TRIM67: variants seen among roughly 807,000 people sequenced by gnomAD.
TRIM67 encodes tripartite motif-containing protein 67.
Under a neutral mutation model 71.0 loss-of-function variants are expected in TRIM67, and 39 were observed. That is an observed-to-expected ratio of 0.55 (90% CI 0.43 to 0.72). TRIM67 has a LOEUF of 0.72. TRIM67 is among the 30% of genes least tolerant of loss of function. TRIM67 has a pLI of 0.00. For synonymous variants in TRIM67, 481 were observed against 473.9 expected, an observed-to-expected ratio of 1.01 and a Z score of -0.19; for missense variants, 973 against 1,079.2, an observed-to-expected ratio of 0.90 and a Z score of 1.38.
chr1:231,183,955 T>C (rs1389468280), intron 1 of TRIM67: 2 of 152,164 alleles, frequency 1.3e-5, no homozygotes, highest in African/African-American at 4.8e-5. Context: ...AGGAATGCTC[T>C]GATAGCAGGG....
chr1:231,208,014 T>TA (rs1298180433), intron 7 of TRIM67, among the ~76,000 whole-genome samples: 1 of 149,872 alleles, frequency 6.7e-6, no homozygotes. Flanking sequence ...CTGTACTTTT[T>TA]TTTTTTTTTT....
chr1:231,208,331 G>A lies in TRIM67; in HGVS notation c.1820-616G>A, dbSNP rs1018557945. Among the ~76,000 whole-genome samples the A allele has an allele frequency of 4.6e-5, 7 of 152,068 alleles. No individual in the cohort carries two copies. In the East Asian group the frequency reaches 5.8e-4, roughly 13 times the overall value. On this transcript the variant is annotated intron_variant, in intron 7 of 9. Transcript: ENST00000366653. ...TGGGACTACAGGCACCTGCCACCAC[G>A]CCCGGCTAATTTTTTTGTATTTTTA...
At chr1:231,198,788 A>G (rs1192722477) in intron 2 of TRIM67, among the ~76,000 whole-genome samples, 2 of 152,196 alleles carry the variant, frequency 1.3e-5, no homozygotes, top group Non-Finnish European at 1.5e-5. Flanking sequence ...ACAGTCTCTC[A>G]TGAGCATTTT....
chr1:231,208,228 T>C (rs147935109), intron 7 of TRIM67, among the ~76,000 whole-genome samples: 21 of 151,030 alleles, frequency 1.4e-4, no homozygotes, highest in African/African-American at 4.6e-4. Context: ...AGCTGGAGTG[T>C]AGTGGCGTGA....
At chr1:231,201,228 A>G (rs557873866) in intron 4 of TRIM67, 130 bp from the exon 5 acceptor site, 27 of 922,458 alleles carry the variant, frequency 2.9e-5, no homozygotes, top group Non-Finnish European at 4.1e-5. Context: ...AATCTCTGCC[A>G]TGGCTCTAGA....
chr1:231,195,113 C>T (rs142469324), intron 1 of TRIM67, among the ~76,000 whole-genome samples: 3 of 152,122 alleles, frequency 2.0e-5, no homozygotes, highest in Admixed American at 6.5e-5. Flanking sequence ...TTGAGGGCCT[C>T]GGGATAAGAG....
At chr1:231,196,169 G>A (rs936210579) in intron 1 of TRIM67, among the ~76,000 whole-genome samples, 23 of 152,172 alleles carry the variant, frequency 1.5e-4, no homozygotes, top group African/African-American at 3.6e-4. Flanking sequence ...GCACAAGGTC[G>A]TGAGGAAAGT....
chr1:231,195,193 G>A (rs975934100), intron 1 of TRIM67, among the ~76,000 whole-genome samples: 2 of 152,202 alleles, frequency 1.3e-5, no homozygotes, highest in African/African-American at 4.8e-5. Context: ...CCAGAAGCCT[G>A]CCAAATGTGA....
At chr1:231,213,506 C>T (rs549887649) in intron 8 of TRIM67, among the ~76,000 whole-genome samples, 19 of 152,266 alleles carry the variant, frequency 1.2e-4, no homozygotes, top group Non-Finnish European at 2.4e-4. Flanking sequence ...ATGGGAAGAT[C>T]GCTTGAGCCT....
intron 1 of TRIM67, among the ~76,000 whole-genome samples, chr1:231,194,336 G>A (rs79152945): frequency 0.06 from 9,091 of 152,302 alleles, 520 homozygotes; most frequent in East Asian, 0.23. Context: ...TTTTGAGGGT[G>A]AGTATCCTGG....
Position 231,163,541 on chromosome 1 carries a change from A to G in TRIM67, c.572A>G (p.Gln191Arg), listed in dbSNP as rs1474431324. Residue 191 changes from glutamine to arginine, a missense_variant, in exon 1 of 10, where the codon CAG becomes CGG. Around this residue, in one of 2 missense-constraint regions of TRIM67, gnomAD observed 795 missense variants for 831.3 expected, o/e 0.96. Coordinates refer to ENST00000366653, the MANE Select transcript of TRIM67 (RefSeq NM_001004342.5). The stretch of plus-strand genomic sequence containing the variant: ...GAGGCCATCGTGCAGCGGTACCAGC[A>G]GGGCCGCGGGGCCGTGCCGGGGACG... ...LLEAIVQRYQQGRGAVPGTSA... is the reference protein window; with the variant it reads ...LLEAIVQRYQRGRGAVPGTSA... 2 of 1,514,098 alleles carry G rather than the reference A, an allele frequency of 1.3e-6. No homozygotes were observed. Among genetic ancestry groups the G allele is most frequent in the South Asian group, 1.2e-5 (1 of 81,304 alleles). 93.8% of individuals were successfully genotyped at this position (1,514,098 alleles called of 1,614,324 possible).
chr1:231,198,969 C>G, intron 2 of TRIM67, 78 bp from the exon 3 acceptor site: 1 of 1,604,808 alleles, frequency 6.2e-7, no homozygotes, highest in Admixed American at 1.7e-5. Context: ...ATATCTTTGT[C>G]TATAGCACTC....
At chr1:231,197,345 T>G (rs1683391812) in intron 1 of TRIM67, 26 bp from the exon 2 acceptor site, 7 of 1,607,376 alleles carry the variant, frequency 4.4e-6, no homozygotes, top group Non-Finnish European at 5.1e-6. Context: ...CTAATTTTTC[T>G]TTTCAACATG....
chr1:231,178,161 T>C (rs898715301), intron 1 of TRIM67, among the ~76,000 whole-genome samples: 1 of 152,186 alleles, frequency 6.6e-6, no homozygotes, highest in African/African-American at 2.4e-5. Context: ...TCAGCTGAGC[T>C]TGTGACATGA....
Position 231,163,402 on chromosome 1 carries a change from G to A in TRIM67, c.433G>A (p.Ala145Thr). 1 of 1,536,244 alleles carries A rather than the reference G, an allele frequency of 6.5e-7. No homozygotes were observed. The highest frequency in any genetic ancestry group is 1.4e-5 in the African/African-American group (1 of 71,282). The change falls in exon 1 of 10, where the codon GCC (alanine) becomes ACC (threonine). Residue 145 changes from alanine (A) to threonine (T), a missense_variant. Physicochemically the swap from Ala to Thr is moderately conservative, Grantham distance 58. Coordinates refer to ENST00000366653, the MANE Select transcript of TRIM67 (RefSeq NM_001004342.5). ...PGSSAAAARG[A>T]ACSSLSSSSS... The stretch of plus-strand genomic sequence containing the variant: ...CTCCTCGGCTGCGGCGGCTCGGGGT[G>A]CCGCCTGCTCCTCGCTGTCCTCGTC...
At position 231,217,250 on chromosome 1, in the gene TRIM67, G is replaced by A. The variant is rs2102769527; in HGVS notation, c.*1810G>A. On this transcript the variant is annotated 3_prime_UTR_variant, in exon 10 of 10. Transcript: ENST00000366653. The stretch of plus-strand genomic sequence containing the variant: ...TCCAGGAGCTGCTCGGTGCTGTGTT[G>A]CAGTCTCTGCTGCGGAGCCTGGGAG... 3 of 986,026 alleles carry A rather than the reference G, an allele frequency of 3.0e-6. No homozygotes were observed. Among genetic ancestry groups the A allele is most frequent in the Non-Finnish European group, 2.4e-6 (2 of 830,096 alleles). The allele number at this position is 986,026 out of a possible 1,614,324, so 61.1% of individuals were successfully genotyped here. A position where few individuals can be genotyped will look rare whatever the true frequency, so the allele number is the denominator to read the frequency against.
At chr1:231,201,735 T>C (rs1194389519) in intron 5 of TRIM67, among the ~76,000 whole-genome samples, 1 of 152,220 alleles carries the variant, frequency 6.6e-6, no homozygotes, top group African/African-American at 2.4e-5. Context: ...ATCTGAGGCT[T>C]CCCATTTGTG....
At chr1:231,197,884 A>G (rs990062923) in intron 2 of TRIM67, among the ~76,000 whole-genome samples, 1 of 152,026 alleles carries the variant, frequency 6.6e-6, no homozygotes, top group Non-Finnish European at 1.5e-5. Flanking sequence ...AAGAAGGAGA[A>G]GAAGAAAGGA....
intron 1 of TRIM67, among the ~76,000 whole-genome samples, chr1:231,182,766 A>G (rs1362972863): frequency 6.6e-6 from 1 of 152,168 alleles, no homozygotes; most frequent in East Asian, 1.9e-4. Context: ...GGATTTCCCA[A>G]TTACTCTGGG....
Sources: allele counts gnomAD v4.1 joint callset (sites outside exome capture counted in the v4.1 genomes callset), GRCh38; gene constraint gnomAD v4.1.1; regional missense constraint gnomAD v4.1.1; transcripts MANE v1.5; gene names NCBI Gene and HGNC (gene_info 2026-07-23, HGNC 2026-07-21).